The following ETS1 variants were observed in gnomAD, a reference collection of about 807,000 sequenced individuals.
The protein encoded by ETS1 is protein C-ets-1.
Under a neutral mutation model 58.6 loss-of-function variants are expected in ETS1, and 15 were observed. That is an observed-to-expected ratio of 0.26 (90% CI 0.17 to 0.39). The LOEUF (loss-of-function observed/expected upper bound fraction) is 0.39. Ranked by LOEUF, ETS1 falls within the 10% of genes least tolerant of loss-of-function variation. ETS1 has a pLI of 1.00. For synonymous variants in ETS1, 214 were observed against 218.2 expected (o/e 0.98, Z 0.17); for missense variants, 417 against 610.5 (o/e 0.68, Z 3.34).
At chr11:128,495,320 A>G (rs1591616381) in intron 3 of ETS1, among the ~76,000 whole-genome samples, 1 of 152,216 alleles carries the variant, frequency 6.6e-6, no homozygotes, top group East Asian at 1.9e-4. Flanking sequence ...GAAAAAAAAA[A>G]TGGGACTTTT....
intron 9 of ETS1, 100 bp from the exon 10 acceptor site, chr11:128,462,676 A>T: frequency 3.7e-6 from 3 of 821,900 alleles, no homozygotes; most frequent in Non-Finnish European, 4.0e-6. Flanking sequence ...ATTCATGGTG[A>T]CCCATGATGC....
At chr11:128,540,270 T>C (rs1864035058) in intron 3 of ETS1, among the ~76,000 whole-genome samples, 1 of 149,590 alleles carries the variant, frequency 6.7e-6, no homozygotes, top group African/African-American at 2.5e-5. Context: ...TGAGCGGAGA[T>C]TGTGCCATTG....
chr11:128,568,986 G>T (rs1007583365), intron 2 of ETS1, among the ~76,000 whole-genome samples: 1 of 152,190 alleles, frequency 6.6e-6, no homozygotes, highest in African/African-American at 2.4e-5. Flanking sequence ...ACCAAGACCT[G>T]CTTAGAGCAG....
intron 3 of ETS1, among the ~76,000 whole-genome samples, chr11:128,501,424 T>C (rs1367038120): frequency 1.3e-5 from 2 of 152,220 alleles, no homozygotes; most frequent in Non-Finnish European, 2.9e-5. Flanking sequence ...TCTGTACCTA[T>C]TGACTGAATT....
intron 1 of ETS1, among the ~76,000 whole-genome samples, chr11:128,574,198 C>T (rs183918112): frequency 1.6e-3 from 241 of 152,236 alleles, no homozygotes; most frequent in African/African-American, 5.3e-3. Context: ...TGCCTAAGGG[C>T]TACAACAACA....
At chr11:128,480,500 G>GA (rs1224255201) in intron 7 of ETS1, 49 bp from the exon 8 acceptor site, 3 of 1,338,636 alleles carry the variant, frequency 2.2e-6, no homozygotes, top group Admixed American at 2.0e-5. Flanking sequence ...GGAGGGAGTG[G>GA]GAAAAAAAAA....
chr11:128,486,541 T>C (rs763998941), intron 5 of ETS1, among the ~76,000 whole-genome samples: 2 of 152,156 alleles, frequency 1.3e-5, no homozygotes, highest in Non-Finnish European at 2.9e-5. Context: ...ACTAATCAAT[T>C]TCAAAATTTC....
At chr11:128,468,820 C>T (rs1364120191) in intron 8 of ETS1, among the ~76,000 whole-genome samples, 1 of 152,202 alleles carries the variant, frequency 6.6e-6, no homozygotes, top group Non-Finnish European at 1.5e-5. Context: ...AAGCCTAGCA[C>T]AGTGCCTCAC....
Position 128,480,439 on chromosome 11 carries a change from C to A in ETS1, c.875G>T (p.Gly292Val), listed in dbSNP as rs373069461. The A allele has an allele frequency of 2.5e-6, 4 of 1,611,916 alleles. No homozygotes were observed. Among genetic ancestry groups the A allele is most frequent in the African/African-American group, 2.7e-5 (2 of 74,714 alleles). Residue 292 changes from glycine to valine, a missense_variant, in exon 8 of 10, where the codon GGC (glycine) becomes GTC (valine). Transcript: ENST00000392668. ...CTCTATGCTTTCAAAAGAGTCCTGGCCCCCGAGTTTACCTGGAGGTAAAGG... is the reference window on the plus strand; with the variant it reads ...CTCTATGCTTTCAAAAGAGTCCTGGACCCCGAGTTTACCTGGAGGTAAAGG... ...MGRTSRGKLGGQDSFESIESY... is the reference protein window; with the variant it reads ...MGRTSRGKLGVQDSFESIESY...
intron 2 of ETS1, among the ~76,000 whole-genome samples, chr11:128,570,440 T>C (rs1591670656): frequency 6.6e-6 from 1 of 151,802 alleles, no homozygotes; most frequent in East Asian, 1.9e-4. Flanking sequence ...CTGGGTTTCA[T>C]CATGTTGGCC....
intron 8 of ETS1, among the ~76,000 whole-genome samples, chr11:128,477,161 C>G (rs4937337): frequency 3.3e-5 from 5 of 152,104 alleles, no homozygotes; most frequent in Non-Finnish European, 7.4e-5. Flanking sequence ...GATTCTCTTC[C>G]CAGCTTGGAG....
At chr11:128,552,009 A>G (rs747229456) in intron 3 of ETS1, among the ~76,000 whole-genome samples, 2 of 152,104 alleles carry the variant, frequency 1.3e-5, no homozygotes, top group East Asian at 1.9e-4. Context: ...AACAAACCCT[A>G]AAGTGATTCT....
intron 3 of ETS1, among the ~76,000 whole-genome samples, chr11:128,547,029 A>G (rs1378963684): frequency 6.6e-6 from 1 of 152,210 alleles, no homozygotes; most frequent in East Asian, 1.9e-4. Context: ...ATGTTAAAGA[A>G]AAAGGAGAGA....
In ETS1 at chr11:128,484,915, G is replaced by A; in HGVS notation, c.770C>T (p.Pro257Leu). Reference sequence around the variant, plus strand: ...ATTCTGCAAGGTGTCTGTCTGGAGAGGGTCTCGGAGAATGACCGAGGGGTA... The same window carrying A: ...ATTCTGCAAGGTGTCTGTCTGGAGAAGGTCTCGGAGAATGACCGAGGGGTA... Reference protein sequence around the residue: ...NDYPSVILRDPLQTDTLQNDY... With the variant: ...NDYPSVILRDLLQTDTLQNDY... Residue 257 changes from proline (P) to leucine (L), a missense_variant, in exon 7 of 10, where the codon CCT becomes CTT. Pro to Leu is a moderately conservative substitution (Grantham distance 98, BLOSUM62 -3). Coordinates refer to ENST00000392668, the MANE Select transcript of ETS1 (RefSeq NM_001143820.2). 6.2e-7 allele frequency: 1 copy of A among 1,614,044 alleles called. No homozygotes were observed. Among genetic ancestry groups the A allele is most frequent in the Non-Finnish European group, 8.5e-7 (1 of 1,179,928 alleles).
At chr11:128,465,323 G>A (rs1427006934) in intron 8 of ETS1, among the ~76,000 whole-genome samples, 3 of 152,078 alleles carry the variant, frequency 2.0e-5, no homozygotes, top group African/African-American at 7.2e-5. Flanking sequence ...AGTAACATTC[G>A]AACAACAGCC....
chr11:128,534,344 T>C (rs1863941751), intron 3 of ETS1, among the ~76,000 whole-genome samples: 1 of 152,182 alleles, frequency 6.6e-6, no homozygotes, highest in Non-Finnish European at 1.5e-5. Flanking sequence ...AGAAATCCCA[T>C]ATACAATTTA....
intron 7 of ETS1, 132 bp downstream of exon 7, chr11:128,484,691 A>C (rs1457248256): frequency 1.3e-6 from 1 of 791,766 alleles, no homozygotes; most frequent in African/African-American, 1.7e-5. Flanking sequence ...GGACACTCTA[A>C]GATGGGAAGG....
chr11:128,567,706 C>G (rs951696714), intron 2 of ETS1, among the ~76,000 whole-genome samples: 7 of 152,128 alleles, frequency 4.6e-5, no homozygotes, highest in Admixed American at 3.3e-4. Flanking sequence ...GCTCTTGCCT[C>G]ACTGCAACCT....
chr11:128,548,670 G>A (rs1168510007), intron 3 of ETS1, among the ~76,000 whole-genome samples: 1 of 152,202 alleles, frequency 6.6e-6, no homozygotes, highest in Non-Finnish European at 1.5e-5. Flanking sequence ...GCCACAGGCC[G>A]AAGGGCGAGG....
Sources: gnomAD v4.1 joint callset for allele counts (sites outside exome capture counted in the v4.1 genomes callset) on GRCh38, gnomAD v4.1.1 for gene constraint, MANE v1.5 for transcripts, NCBI Gene and HGNC (gene_info 2026-07-23, HGNC 2026-07-21) for gene names.